Variants in GRM7 observed in about 807,000 individuals in gnomAD.
GRM7 encodes glutamate metabotropic receptor 7.
GRM7 carries 35 observed loss-of-function variants against 84.5 expected under a neutral mutation model. The ratio of observed to expected loss-of-function variants is 0.41; its 90% CI spans 0.32 to 0.55. The LOEUF (loss-of-function observed/expected upper bound fraction) is 0.55. Among genes scored for constraint, GRM7 ranks in the 20% least tolerant of loss-of-function variants. The probability of loss-of-function intolerance (pLI) is 0.19; values close to 1 mark genes in which losing one functional copy is unlikely to be tolerated. For synonymous variants in GRM7, 487 were observed against 455.1 expected (o/e 1.07, Z -0.89); for missense variants, 1,003 against 1,194.6 (o/e 0.84, Z 2.36).
intron 4 of GRM7, among the ~76,000 whole-genome samples, chr3:7,377,323 C>G (rs1258405009): frequency 2.0e-5 from 3 of 152,164 alleles, no homozygotes; most frequent in African/African-American, 7.2e-5. Flanking sequence ...AAGGGTAACT[C>G]TGAGACTTGT....
At chr3:7,180,647 T>C (rs2125096649) in intron 2 of GRM7, among the ~76,000 whole-genome samples, 1 of 152,312 alleles carries the variant, frequency 6.6e-6, no homozygotes, top group East Asian at 1.9e-4. Context: ...ATTTACCAGA[T>C]ACCTCTTTTT....
At chr3:7,670,519 A>C (rs1407163629) in intron 8 of GRM7, among the ~76,000 whole-genome samples, 6 of 152,120 alleles carry the variant, frequency 3.9e-5, no homozygotes, top group Non-Finnish European at 5.9e-5. Flanking sequence ...GTTTTAATGA[A>C]CCCTTTACAA....
At chr3:7,137,798 C>A (rs959925487) in intron 1 of GRM7, among the ~76,000 whole-genome samples, 1 of 151,924 alleles carries the variant, frequency 6.6e-6, no homozygotes, top group Non-Finnish European at 1.5e-5. Flanking sequence ...TTCATTGGAA[C>A]GTCATTAAGA....
chr3:7,206,948 G>GATAT (rs1057371592), intron 2 of GRM7, among the ~76,000 whole-genome samples: 1 of 152,074 alleles, frequency 6.6e-6, no homozygotes. Context: ...ATATGGACAA[G>GATAT]ATATATATAT....
At chr3:7,121,816 T>A (rs578145173) in intron 1 of GRM7, among the ~76,000 whole-genome samples, 4 of 152,308 alleles carry the variant, frequency 2.6e-5, no homozygotes, top group East Asian at 1.9e-4. Flanking sequence ...TGTTGGAAAC[T>A]TAATCCCCAA....
chr3:7,211,246 A>G (rs537711985), intron 2 of GRM7, among the ~76,000 whole-genome samples: 1 of 152,328 alleles, frequency 6.6e-6, no homozygotes, highest in South Asian at 2.1e-4. Flanking sequence ...CATAAACTCT[A>G]ATAGAATTTT....
intron 4 of GRM7, among the ~76,000 whole-genome samples, chr3:7,393,156 G>C (rs144676010): frequency 1.3e-5 from 2 of 152,220 alleles, no homozygotes; most frequent in African/African-American, 4.8e-5. Flanking sequence ...ACCCTCCCAG[G>C]AACGCATGGC....
At chr3:7,674,310 G>C (rs957994312) in intron 8 of GRM7, among the ~76,000 whole-genome samples, 3 of 151,696 alleles carry the variant, frequency 2.0e-5, no homozygotes, top group African/African-American at 7.3e-5. Flanking sequence ...TCCTGCCTCA[G>C]CCTCCCGAGT....
At chr3:7,282,313 G>T (rs958062446) in intron 2 of GRM7, among the ~76,000 whole-genome samples, 2 of 152,136 alleles carry the variant, frequency 1.3e-5, no homozygotes, top group Admixed American at 1.3e-4. Flanking sequence ...ACATGTCGGT[G>T]GGGTTACATT....
chr3:6,905,991 G>T (rs758436688), intron 1 of GRM7, among the ~76,000 whole-genome samples: 1 of 152,154 alleles, frequency 6.6e-6, no homozygotes, highest in Non-Finnish European at 1.5e-5. Context: ...GTTAGCTTTT[G>T]TTGCATTATA....
chr3:7,733,679 A>C (rs1375115538), intron 9 of GRM7, among the ~76,000 whole-genome samples: 1 of 152,184 alleles, frequency 6.6e-6, no homozygotes, highest in African/African-American at 2.4e-5. Context: ...GCCCTGGTTC[A>C]AATGCCTCTG....
intron 1 of GRM7, among the ~76,000 whole-genome samples, chr3:7,022,512 A>G (rs2088612): frequency 0.036 from 5,542 of 151,914 alleles, 326 homozygotes; most frequent in African/African-American, 0.13. Context: ...TGCATAGCCT[A>G]CAATACTTCT....
chr3:7,567,040 G>A (rs183303616), intron 7 of GRM7, among the ~76,000 whole-genome samples: 6 of 152,274 alleles, frequency 3.9e-5, no homozygotes, highest in East Asian at 1.9e-4. Flanking sequence ...AATGAAATCC[G>A]TTCTTGATGT....
At chr3:7,317,625 C>G (rs1700629901) in intron 4 of GRM7, among the ~76,000 whole-genome samples, 1 of 151,900 alleles carries the variant, frequency 6.6e-6, no homozygotes, top group South Asian at 2.1e-4. Flanking sequence ...TTGGTTGTGA[C>G]AAAAAATAGC....
intron 7 of GRM7, among the ~76,000 whole-genome samples, chr3:7,501,522 T>C (rs564303976): frequency 4.0e-4 from 61 of 152,310 alleles, no homozygotes; most frequent in African/African-American, 1.4e-3. Flanking sequence ...TATCAGCTTA[T>C]ATTATAGACG....
intron 2 of GRM7, among the ~76,000 whole-genome samples, chr3:7,160,670 T>C (rs937161820): frequency 3.9e-5 from 6 of 152,180 alleles, no homozygotes; most frequent in African/African-American, 1.4e-4. Flanking sequence ...TTTTCCTCAC[T>C]GTGTACCCCA....
At chr3:7,303,200 C>G (rs1221894230) in intron 3 of GRM7, among the ~76,000 whole-genome samples, 1 of 151,976 alleles carries the variant, frequency 6.6e-6, no homozygotes, top group East Asian at 1.9e-4. Context: ...TTGGCCTCCC[C>G]AAGTACTGGG....
chr3:6,892,202 A>G (rs543184560), intron 1 of GRM7, among the ~76,000 whole-genome samples: 3 of 152,254 alleles, frequency 2.0e-5, no homozygotes, highest in East Asian at 3.9e-4. Flanking sequence ...GGATTGGTCA[A>G]TTACACTCAA....
intron 9 of GRM7, among the ~76,000 whole-genome samples, chr3:7,690,388 CAAT>C (rs1348503276): frequency 5.3e-5 from 8 of 151,914 alleles, no homozygotes; most frequent in Non-Finnish European, 1.0e-4. Flanking sequence ...TATTTGTTAG[CAAT>C]AATAATAAAT....
Sources: gnomAD v4.1 joint callset for allele counts (sites outside exome capture counted in the v4.1 genomes callset) on GRCh38, gnomAD v4.1.1 for gene constraint, MANE v1.5 for transcripts, NCBI Gene and HGNC (gene_info 2026-07-23, HGNC 2026-07-21) for gene names.